The following HOMER2 variants were observed in gnomAD, a reference collection of about 807,000 sequenced individuals.
HOMER2 encodes homer scaffold protein 2, also known as homer protein homolog 2.
Under a neutral mutation model 47.0 loss-of-function variants are expected in HOMER2, and 27 were observed. The observed-to-expected ratio is 0.57, with a 90% CI of 0.42 to 0.79. The LOEUF is 0.79. Among genes scored for constraint, HOMER2 ranks in the 30% least tolerant of loss-of-function variants. HOMER2 has a pLI of 0.00. For synonymous variants in HOMER2, 161 were observed against 163.8 expected, an observed-to-expected ratio of 0.98 and a Z score of 0.13; for missense variants, 443 against 435.0, an observed-to-expected ratio of 1.02 and a Z score of -0.16.
chr15:82,881,582 T>C (rs1253282488), intron 2 of HOMER2, among the ~76,000 whole-genome samples: 1 of 152,202 alleles, frequency 6.6e-6, no homozygotes, highest in African/African-American at 2.4e-5. Flanking sequence ...GCTCGGAACC[T>C]TCCTTATGCT....
intron 1 of HOMER2, among the ~76,000 whole-genome samples, chr15:82,964,560 G>C (rs1243031166): frequency 6.6e-6 from 1 of 152,204 alleles, no homozygotes; most frequent in Non-Finnish European, 1.5e-5. Context: ...GAGGTCAGGA[G>C]TTCGAGACCA....
Position 82,977,619 on chromosome 15 carries a change from TCA to T in HOMER2, n.82+8166_82+8167del, listed in dbSNP as rs2030250135. 2.0e-5 allele frequency among the ~76,000 whole-genome samples: 3 copies of T among 152,196 alleles called. No individual in the cohort carries two copies. In the South Asian group the frequency reaches 6.2e-4, roughly 32 times the overall value. ...CTTCACTGCCTGATGTGTGTCAGCC[TCA>T]GTGCTAGGTGCTGGAGATGAAGAGA... On this transcript the variant is annotated intron_variant and non_coding_transcript_variant, in intron 1 of 1. Coordinates refer to the HOMER2 transcript ENST00000500334.
intron 1 of HOMER2, among the ~76,000 whole-genome samples, chr15:82,908,049 C>CA (rs1406484355): frequency 6.6e-6 from 1 of 151,962 alleles, no homozygotes; most frequent in Non-Finnish European, 1.5e-5. Context: ...CCAGAATAGG[C>CA]AAAAAACCTA....
intron 2 of HOMER2, among the ~76,000 whole-genome samples, chr15:82,879,844 T>C (rs2052466393): frequency 6.6e-6 from 1 of 152,168 alleles, no homozygotes. Flanking sequence ...ACAGTAGAAC[T>C]TGCAAAAACA....
chr15:82,839,748 GTAAAT>G (rs1371397668), exon 2 of HOMER2: 1 of 152,124 alleles, frequency 6.6e-6, no homozygotes, highest in African/African-American at 2.4e-5. Context: ...AATGAATCAA[GTAAAT>G]TAAAATTAAA....
At chr15:82,926,995 G>A (rs1434200167) in intron 1 of HOMER2, among the ~76,000 whole-genome samples, 1 of 152,154 alleles carries the variant, frequency 6.6e-6, no homozygotes, top group Non-Finnish European at 1.5e-5. Context: ...AATGGACTAA[G>A]ACAGGAACTA....
At chr15:82,844,049 C>T (rs2051206864), downstream of HOMER2, 1 of 152,260 alleles carries the variant, frequency 6.6e-6, no homozygotes, top group South Asian at 2.1e-4. Flanking sequence ...GAGGCTCTGT[C>T]CCTGGGACAT....
chr15:82,898,801 T>C (rs1000033747), intron 1 of HOMER2, among the ~76,000 whole-genome samples: 3 of 152,250 alleles, frequency 2.0e-5, no homozygotes, highest in Non-Finnish European at 2.9e-5. Context: ...TTTTAACTTA[T>C]AATTCTTCAC....
intron 1 of HOMER2, among the ~76,000 whole-genome samples, chr15:82,972,244 T>C (rs564666627): frequency 2.4e-4 from 36 of 152,348 alleles, no homozygotes; most frequent in Admixed American, 2.3e-3. Flanking sequence ...TTTATGTCTC[T>C]ATCAGAGCTT....
intron 1 of HOMER2, among the ~76,000 whole-genome samples, chr15:82,962,111 C>A (rs1160050835): frequency 2.0e-5 from 3 of 151,612 alleles, no homozygotes; most frequent in Non-Finnish European, 4.4e-5. Context: ...TGACTCACAC[C>A]CGTAATGCCA....
At chr15:82,909,325 G>A (rs1206000455) in intron 1 of HOMER2, among the ~76,000 whole-genome samples, 1 of 152,198 alleles carries the variant, frequency 6.6e-6, no homozygotes, top group East Asian at 1.9e-4. Context: ...ACAAGGGAGG[G>A]GAAAGGGGTC....
At chr15:82,907,276 C>G (rs13380133) in intron 1 of HOMER2, among the ~76,000 whole-genome samples, 74,559 of 151,778 alleles carry the variant, frequency 0.49, 18,636 homozygotes, top group African/African-American at 0.56. Context: ...AGAATCGCTT[C>G]AACCCAGGAG....
At chr15:82,956,058 G>C (rs573607614), upstream of HOMER2, among the ~76,000 whole-genome samples, 11 of 152,016 alleles carry the variant, frequency 7.2e-5, no homozygotes, top group African/African-American at 2.4e-4. Context: ...TGGCCAACAT[G>C]GCAAAACCCC....
chr15:82,860,222 G>A (rs1318234710), intron 4 of HOMER2, among the ~76,000 whole-genome samples: 1 of 151,964 alleles, frequency 6.6e-6, no homozygotes, highest in African/African-American at 2.4e-5. Context: ...GGCAACAAGA[G>A]GGAAACTCCA....
rs68038013 is a variant in HOMER2, at chr15:82,897,065, C to CTTTTTTT, written c.6-4231_6-4225dup. Among the ~76,000 whole-genome samples, 583 of 101,820 alleles carry CTTTTTTT rather than the reference C, an allele frequency of 5.7e-3. 45 individuals are homozygous for CTTTTTTT. The highest frequency in any genetic ancestry group is 0.011 in the African/African-American group (301 of 26,488). The allele number at this position is 101,820 out of a possible 152,430, so 66.8% of individuals were successfully genotyped here. ...ACAGGTCTGAAATTTGATGTCATTT[C>CTTTTTTT]TTTTTTTTTTTTTTTTTTTTAGATG... On this transcript the variant is annotated intron_variant, in intron 1 of 8. Transcript: ENST00000450735.
At chr15:82,966,012 T>C (rs960648456) in intron 1 of HOMER2, among the ~76,000 whole-genome samples, 2 of 151,970 alleles carry the variant, frequency 1.3e-5, no homozygotes, top group African/African-American at 4.8e-5. Context: ...AAGGCAGGAG[T>C]ACGGCTTCAG....
intron 1 of HOMER2, among the ~76,000 whole-genome samples, chr15:82,984,039 T>A (rs879352875): frequency 0.011 from 1,675 of 150,826 alleles, 10 homozygotes; most frequent in Non-Finnish European, 0.017. Flanking sequence ...ATTATTATTT[T>A]TTTTTTTTTT....
intron 3 of HOMER2, among the ~76,000 whole-genome samples, chr15:82,871,701 T>C (rs939716376): frequency 3.3e-5 from 5 of 152,032 alleles, no homozygotes; most frequent in Non-Finnish European, 5.9e-5. Context: ...GGCAGGACGG[T>C]GCACTCCTCC....
chr15:82,863,760 C>T (rs1192980784), intron 4 of HOMER2, among the ~76,000 whole-genome samples: 1 of 152,236 alleles, frequency 6.6e-6, no homozygotes, highest in African/African-American at 2.4e-5. Context: ...ATAACCACTT[C>T]CACCTGACCT....
Sources: gnomAD v4.1 joint callset for allele counts (sites outside exome capture counted in the v4.1 genomes callset) on GRCh38, gnomAD v4.1.1 for gene constraint, MANE v1.5 for transcripts, NCBI Gene and HGNC (gene_info 2026-07-23, HGNC 2026-07-21) for gene names.